Variants in BLOC1S5 observed in about 807,000 individuals in gnomAD.
The protein encoded by BLOC1S5 is biogenesis of lysosomal organelles complex 1 subunit 5, also known as biogenesis of lysosome-related organelles complex 1 subunit 5.
BLOC1S5 carries 27 observed loss-of-function variants against 24.3 expected under a neutral mutation model. The ratio of observed to expected loss-of-function variants is 1.11; its 90% CI spans 0.82 to 1.53. The LOEUF is 1.53. BLOC1S5 is among the 40% of genes most tolerant of loss of function. The pLI is 0.00. For missense variants in BLOC1S5, 239 were observed against 229.4 expected, an observed-to-expected ratio of 1.04 and a Z score of -0.27; for synonymous variants, 84 against 74.5, an observed-to-expected ratio of 1.13 and a Z score of -0.66.
At chr6:8,026,680 TA>T (rs1456899595) in intron 3 of BLOC1S5, among the ~76,000 whole-genome samples, 1 of 152,198 alleles carries the variant, frequency 6.6e-6, no homozygotes, top group African/African-American at 2.4e-5. Flanking sequence ...ATTTAAATAC[TA>T]ACTCCAATGA....
At chr6:8,023,365 G>A (rs980795623) in intron 4 of BLOC1S5, among the ~76,000 whole-genome samples, 1 of 152,170 alleles carries the variant, frequency 6.6e-6, no homozygotes, top group Non-Finnish European at 1.5e-5. Flanking sequence ...AAATTGTCTT[G>A]ACATAAAAGA....
At chr6:8,054,197 C>T (rs1002174621) in intron 2 of BLOC1S5, 19 of 426,264 alleles carry the variant, frequency 4.5e-5, no homozygotes, top group South Asian at 3.1e-4. Context: ...CAATTTGAAA[C>T]AGCATCCTTT....
intron 2 of BLOC1S5, among the ~76,000 whole-genome samples, chr6:8,061,483 T>C (rs1200783379): frequency 1.3e-5 from 2 of 152,200 alleles, no homozygotes; most frequent in African/African-American, 4.8e-5. Flanking sequence ...CCTAGTTAAT[T>C]CCTAGGTCCC....
At chr6:8,058,696 A>G (rs1764411753) in intron 2 of BLOC1S5, among the ~76,000 whole-genome samples, 1 of 152,156 alleles carries the variant, frequency 6.6e-6, no homozygotes, top group Non-Finnish European at 1.5e-5. Flanking sequence ...TCTCAAAACA[A>G]AACAAAAAAA....
In BLOC1S5 at chr6:8,062,580, C is replaced by T. The variant is rs1223585694; in HGVS notation, c.149G>A (p.Arg50Lys). 6.2e-7 allele frequency: 1 copy of T among 1,603,616 alleles called. No homozygotes were observed. The highest frequency in any genetic ancestry group is 8.5e-7 in the Non-Finnish European group (1 of 1,173,772). The change falls in exon 2 of 5, where the codon AGA (arginine) becomes AAA (lysine). Residue 50 changes from arginine to lysine, a missense_variant. Transcript: ENST00000397457. ...GEIHSRLLDHRPVIQGETRYF... is the reference protein window; with the variant it reads ...GEIHSRLLDHKPVIQGETRYF... ...ACGAGTTTCACCTTGAATAACTGGTCTGTGATCCAAAAGCCTTGAATGAAT... is the reference window on the plus strand; with the variant it reads ...ACGAGTTTCACCTTGAATAACTGGTTTGTGATCCAAAAGCCTTGAATGAAT...
At chr6:8,048,781 G>A (rs986506423) in intron 2 of BLOC1S5, among the ~76,000 whole-genome samples, 3 of 152,144 alleles carry the variant, frequency 2.0e-5, no homozygotes, top group Non-Finnish European at 4.4e-5. Context: ...GGGAGGCTGA[G>A]GTGGGCGGAT....
chr6:8,034,769 A>C (rs981076931), intron 3 of BLOC1S5, among the ~76,000 whole-genome samples: 23 of 152,156 alleles, frequency 1.5e-4, no homozygotes, highest in African/African-American at 4.8e-4. Context: ...CTACCATTTG[A>C]TCCAGCAATC....
At chr6:8,063,961 G>A (rs777129963) in intron 1 of BLOC1S5, among the ~76,000 whole-genome samples, 1 of 152,204 alleles carries the variant, frequency 6.6e-6, no homozygotes, top group East Asian at 1.9e-4. Context: ...ACTACACGTC[G>A]GTGGCGAGGC....
chr6:8,026,323 A>C, intron 4 of BLOC1S5, 44 bp downstream of exon 4: 1 of 1,453,866 alleles, frequency 6.9e-7, no homozygotes, highest in Non-Finnish European at 9.6e-7. Context: ...TATGATAATA[A>C]AGATGCAAGA....
chr6:8,062,702 G>C, intron 1 of BLOC1S5, 86 bp from the exon 2 acceptor site: 1 of 861,138 alleles, frequency 1.2e-6, no homozygotes, highest in Non-Finnish European at 1.8e-6. Context: ...TCCCCACTAA[G>C]AGATGAAGGT....
chr6:8,038,499 A>G (rs7752667), intron 3 of BLOC1S5, among the ~76,000 whole-genome samples: 8 of 152,006 alleles, frequency 5.3e-5, no homozygotes, highest in Non-Finnish European at 1.2e-4. Context: ...TAATTAATTA[A>G]TTATTGACGG....
intron 4 of BLOC1S5, among the ~76,000 whole-genome samples, chr6:8,022,579 C>CCTTTTT (rs1762954125): frequency 1.3e-5 from 1 of 74,296 alleles, no homozygotes; most frequent in Non-Finnish European, 2.4e-5. Flanking sequence ...TTTTTTTTTT[C>CCTTTTT]TTTTTTTTTT....
intron 2 of BLOC1S5, among the ~76,000 whole-genome samples, chr6:8,055,536 T>C (rs985140624): frequency 1.3e-5 from 2 of 152,232 alleles, no homozygotes; most frequent in African/African-American, 4.8e-5. Flanking sequence ...TATCCTCTAA[T>C]CAATTGTGTG....
At chr6:8,055,409 C>T (rs1447730613) in intron 2 of BLOC1S5, among the ~76,000 whole-genome samples, 2 of 151,986 alleles carry the variant, frequency 1.3e-5, no homozygotes, top group African/African-American at 4.8e-5. Context: ...CATTCCAGCC[C>T]GGGAGAAGAG....
At chr6:8,045,067 T>C (rs1199163113) in intron 2 of BLOC1S5, among the ~76,000 whole-genome samples, 1 of 152,174 alleles carries the variant, frequency 6.6e-6, no homozygotes, top group Admixed American at 6.5e-5. Flanking sequence ...GTCCCTCCCA[T>C]CACAGGCCCA....
chr6:8,049,608 C>A (rs971861796), intron 2 of BLOC1S5, among the ~76,000 whole-genome samples: 1 of 152,136 alleles, frequency 6.6e-6, no homozygotes, highest in African/African-American at 2.4e-5. Flanking sequence ...CTATCTCCTC[C>A]ATAGCTTTCC....
chr6:8,052,834 G>C (rs1427541671), intron 2 of BLOC1S5, among the ~76,000 whole-genome samples: 1 of 151,042 alleles, frequency 6.6e-6, no homozygotes, highest in Non-Finnish European at 1.5e-5. Context: ...GGCGGAGCTT[G>C]CAGTGAGCCA....
At chr6:8,041,562 T>C (rs1391207004) in intron 2 of BLOC1S5, among the ~76,000 whole-genome samples, 2 of 151,810 alleles carry the variant, frequency 1.3e-5, no homozygotes, top group African/African-American at 4.8e-5. Flanking sequence ...TCCGCCCACC[T>C]CGGCCTCCCA....
chr6:8,041,655 C>CTTTCTTTCTTTTTT (rs111955375), intron 2 of BLOC1S5, among the ~76,000 whole-genome samples: 4 of 111,928 alleles, frequency 3.6e-5, no homozygotes, highest in Non-Finnish European at 5.4e-5. Flanking sequence ...TTCTTTCTTT[C>CTTTCTTTCTTTTTT]TTTTTTTTTG....
Sources: gnomAD v4.1 joint callset for allele counts (sites outside exome capture counted in the v4.1 genomes callset) on GRCh38, gnomAD v4.1.1 for gene constraint, MANE v1.5 for transcripts, NCBI Gene and HGNC (gene_info 2026-07-23, HGNC 2026-07-21) for gene names.